The following CAMKK2 variants were observed in gnomAD, a reference collection of about 807,000 sequenced individuals.
CAMKK2 encodes the protein calcium/calmodulin dependent protein kinase kinase 2.
Under a neutral mutation model 67.2 loss-of-function variants are expected in CAMKK2, and 30 were observed. The ratio of observed to expected loss-of-function variants is 0.45; its 90% CI spans 0.33 to 0.61. CAMKK2 has a LOEUF of 0.61. CAMKK2 is among the 20% of genes least tolerant of loss of function. The pLI is 0.02. For synonymous variants in CAMKK2, 322 were observed against 326.2 expected (o/e 0.99, Z 0.14); for missense variants, 643 against 802.0 (o/e 0.80, Z 2.39).
chr12:121,260,723 C>T (rs559809688), intron 6 of CAMKK2, among the ~76,000 whole-genome samples: 3 of 152,020 alleles, frequency 2.0e-5, no homozygotes, highest in East Asian at 1.9e-4. Flanking sequence ...GAGGCCGAGG[C>T]GGGCGGATCA....
rs147890423 is a variant in CAMKK2 at position 121,266,169 on chromosome 12, G to A, written c.626-2230C>T. On this transcript the variant is annotated intron_variant, in intron 5 of 16. Coordinates refer to ENST00000404169, the MANE Select transcript of CAMKK2 (RefSeq NM_001270485.2). Reference sequence around the variant, plus strand: ...ACTGGTCTCAAACTCCTGGGCTCAAGTGATTTGCCCACCACTGCCTCCCAA... The same window carrying A: ...ACTGGTCTCAAACTCCTGGGCTCAAATGATTTGCCCACCACTGCCTCCCAA... Among the ~76,000 whole-genome samples, 460 of 152,320 alleles carry A rather than the reference G, an allele frequency of 3.0e-3. 3 individuals are homozygous for A. The highest frequency in any genetic ancestry group is 0.011 in the African/African-American group (453 of 41,584).
chr12:121,288,512 G>T (rs1382034626), intron 1 of CAMKK2, among the ~76,000 whole-genome samples: 2 of 152,186 alleles, frequency 1.3e-5, no homozygotes, highest in Non-Finnish European at 2.9e-5. Flanking sequence ...CAGAAGCCTT[G>T]AAGGCAATAC....
chr12:121,293,101 C>A (rs1393958515), intron 1 of CAMKK2, among the ~76,000 whole-genome samples: 1 of 152,022 alleles, frequency 6.6e-6, no homozygotes, highest in South Asian at 2.1e-4. Flanking sequence ...CATGGTGAAA[C>A]CCCGTTTCTA....
intron 14 of CAMKK2, among the ~76,000 whole-genome samples, chr12:121,246,042 A>C (rs1889376089): frequency 6.6e-6 from 1 of 152,056 alleles, no homozygotes; most frequent in Non-Finnish European, 1.5e-5. Context: ...AGAATACACA[A>C]ATCTATAGAC....
upstream of CAMKK2, chr12:121,297,557 G>T (rs1174312059): frequency 1.9e-6 from 1 of 513,244 alleles, no homozygotes; most frequent in Non-Finnish European, 3.9e-6. Flanking sequence ...AGCCTTAAGT[G>T]TGCGTTGGAT....
intron 6 of CAMKK2, among the ~76,000 whole-genome samples, chr12:121,263,494 C>T (rs573959905): frequency 1.3e-5 from 2 of 152,050 alleles, no homozygotes; most frequent in Admixed American, 6.6e-5. Flanking sequence ...CTATGACTAC[C>T]CATATGTGTA....
intron 11 of CAMKK2, among the ~76,000 whole-genome samples, chr12:121,251,477 G>C (rs961687821): frequency 1.3e-5 from 2 of 152,120 alleles, no homozygotes; most frequent in African/African-American, 4.8e-5. Context: ...GCTCAGGAAA[G>C]GGAAAAATCT....
intron 6 of CAMKK2, 71 bp from the exon 7 acceptor site, chr12:121,260,426 G>A: frequency 9.7e-6 from 14 of 1,435,912 alleles, no homozygotes; most frequent in Non-Finnish European, 1.1e-5. Context: ...GATATGAGCA[G>A]GGAGGAGGCA....
intron 1 of CAMKK2, among the ~76,000 whole-genome samples, chr12:121,286,025 G>A (rs1361166535): frequency 6.6e-6 from 1 of 152,214 alleles, no homozygotes; most frequent in East Asian, 1.9e-4. Flanking sequence ...TGAGGTTGAA[G>A]ACACTGTTTA....
intron 1 of CAMKK2, among the ~76,000 whole-genome samples, chr12:121,291,885 G>A (rs552908452): frequency 1.3e-5 from 2 of 151,554 alleles, no homozygotes; most frequent in Non-Finnish European, 2.9e-5. Context: ...GTGAAACCCC[G>A]TCTCTACTAA....
rs1893762530 is a variant in CAMKK2 at position 121,262,957 on chromosome 12, T to C, written c.759+849A>G. 2.6e-5 allele frequency among the ~76,000 whole-genome samples: 4 copies of C among 152,066 alleles called. No homozygotes were observed. The South Asian group carries it at 8.3e-4, about 32-fold the overall frequency. ...TAACTCATATAAGTGAAAGTGCTTT[T>C]GGGTCTTCAAAAAAAGTTTTTTTTT... On this transcript the variant is annotated intron_variant, in intron 6 of 16. Transcript: ENST00000404169.
intron 1 of CAMKK2, among the ~76,000 whole-genome samples, chr12:121,292,033 C>T (rs933105772): frequency 1.3e-5 from 2 of 151,200 alleles, no homozygotes; most frequent in Non-Finnish European, 2.9e-5. Flanking sequence ...TCCAGCCTGG[C>T]GACAGAGTGA....
intron 1 of CAMKK2, among the ~76,000 whole-genome samples, chr12:121,292,329 A>G (rs1421156819): frequency 6.6e-6 from 1 of 151,888 alleles, no homozygotes; most frequent in Non-Finnish European, 1.5e-5. Flanking sequence ...GGGTTTCGCT[A>G]TGTTGGCCAG....
At chr12:121,242,812 G>A (rs1266993139) in intron 16 of CAMKK2, among the ~76,000 whole-genome samples, 4 of 151,488 alleles carry the variant, frequency 2.6e-5, no homozygotes, top group African/African-American at 4.9e-5. Context: ...GCGCAATCTC[G>A]GCTCACTGCA....
rs1052759796 is a variant in CAMKK2, at chr12:121,253,035, T to G, written c.1107+238A>C. 2.6e-5 allele frequency among the ~76,000 whole-genome samples: 4 copies of G among 152,192 alleles called. No individual in the cohort carries two copies. The highest frequency in any genetic ancestry group is 9.6e-5 in the African/African-American group (4 of 41,452). On this transcript the variant is annotated intron_variant, in intron 10 of 16. Transcript: ENST00000404169. The surrounding 1 kb of genome is among the most constrained non-coding windows in gnomAD (Gnocchi z 5.0). ...GGTTGGCAAATGATAGAAAGTAACCTGGTCCCTGGGTGCCTGACCCACCTG... is the reference window on the plus strand; with the variant it reads ...GGTTGGCAAATGATAGAAAGTAACCGGGTCCCTGGGTGCCTGACCCACCTG...
intron 7 of CAMKK2, among the ~76,000 whole-genome samples, chr12:121,256,802 A>G (rs763258320): frequency 4.6e-5 from 7 of 152,088 alleles, no homozygotes; most frequent in Non-Finnish European, 1.0e-4. Context: ...TTGTCCATTC[A>G]TCTGTTGAGG....
At chr12:121,269,973 C>T (rs1895409750) in intron 3 of CAMKK2, 1 of 168,188 alleles carries the variant, frequency 5.9e-6, no homozygotes, top group Admixed American at 5.8e-5. Flanking sequence ...TCACTTAAAC[C>T]CGAAAGCAGA....
At position 121,243,812 on chromosome 12, in the gene CAMKK2, A is replaced by G. The variant is rs1289948812; in HGVS notation, c.1596+761T>C. On this transcript the variant is annotated intron_variant, in intron 16 of 16. Coordinates refer to ENST00000404169, the MANE Select transcript of CAMKK2 (RefSeq NM_001270485.2). ...CGTGGGTGAATTACATGGTATGTGA[A>G]TTGTACCTCAGTAAAGCTATGTTTA... The G allele has an allele frequency of 1.7e-5, 20 of 1,185,778 alleles. No individual in the cohort carries two copies. The East Asian group carries it at 8.3e-4, about 49-fold the overall frequency. The allele number at this position is 1,185,778 out of a possible 1,614,324, so 73.5% of individuals were successfully genotyped here. A position where few individuals can be genotyped will look rare whatever the true frequency, so the allele number is the denominator to read the frequency against.
intron 6 of CAMKK2, chr12:121,260,628 C>T: frequency 1.9e-6 from 1 of 538,178 alleles, no homozygotes; most frequent in Non-Finnish European, 3.2e-6. Context: ...AAAATACTCC[C>T]CTGGAAATAT....
Sources: allele counts gnomAD v4.1 joint callset (sites outside exome capture counted in the v4.1 genomes callset), GRCh38; gene constraint gnomAD v4.1.1; non-coding constraint Gnocchi (gnomAD v3.1); transcripts MANE v1.5; gene names NCBI Gene and HGNC (gene_info 2026-07-23, HGNC 2026-07-21).